Variants in MEAF6 observed in about 807,000 individuals in gnomAD.
MEAF6 encodes chromatin modification-related protein MEAF6.
MEAF6 carries 15 observed loss-of-function variants against 28.9 expected under a neutral mutation model. That is an observed-to-expected ratio of 0.52 (90% confidence interval 0.35 to 0.80). MEAF6 has a LOEUF of 0.80. MEAF6 is among the 30% of genes least tolerant of loss of function. MEAF6 has a pLI of 0.01. For missense variants in MEAF6, 178 were observed against 237.5 expected (o/e 0.75, Z 1.65); for synonymous variants, 97 against 88.7 (o/e 1.09, Z -0.53).
At chr1:37,513,789 T>C (rs1642743183) in intron 1 of MEAF6, 2 of 568,524 alleles carry the variant, frequency 3.5e-6, no homozygotes, top group Non-Finnish European at 6.3e-6. Context: ...AAATTTTGCA[T>C]ATACTTTAGA....
rs143705946 is a variant in MEAF6, at chr1:37,498,967, T to C, written c.533+2837A>G. 7.2e-5 allele frequency among the ~76,000 whole-genome samples: 11 copies of C among 151,996 alleles called. No homozygotes were observed. The South Asian group carries it at 1.0e-3, about 14-fold the overall frequency. On this transcript the variant is annotated intron_variant, in intron 5 of 6. Coordinates refer to ENST00000296214, the MANE Select transcript of MEAF6 (RefSeq NM_001270875.3). ...GAGTTCAAGACCAGCCTGTGCAGCA[T>C]GGCAAAACCCCATCTCTACAAAACA... is the stretch of plus-strand genomic sequence containing the variant.
intron 6 of MEAF6, among the ~76,000 whole-genome samples, chr1:37,494,487 C>A (rs1322646062): frequency 7.2e-6 from 1 of 139,500 alleles, no homozygotes; most frequent in African/African-American, 2.7e-5. Context: ...TGCACTCCAG[C>A]CTGGGTGACA....
At chr1:37,505,287 A>G (rs1306806209) in intron 4 of MEAF6, among the ~76,000 whole-genome samples, 2 of 152,208 alleles carry the variant, frequency 1.3e-5, no homozygotes, top group Non-Finnish European at 2.9e-5. Flanking sequence ...ACAGTTCCAA[A>G]AAAGCAGAAG....
chr1:37,509,732 T>G (rs1642603648), intron 2 of MEAF6, among the ~76,000 whole-genome samples, 190 bp from the exon 3 acceptor site: 1 of 152,200 alleles, frequency 6.6e-6, no homozygotes, highest in African/African-American at 2.4e-5. Flanking sequence ...GACATGAGAT[T>G]TAGTTGCTTC....
At chr1:37,505,055 T>C (rs1490013855) in intron 4 of MEAF6, among the ~76,000 whole-genome samples, 2 of 152,038 alleles carry the variant, frequency 1.3e-5, no homozygotes, top group South Asian at 4.1e-4. Flanking sequence ...GGCTCATTTT[T>C]GTATTTTTAG....
rs1042361542 is a variant in MEAF6, at chr1:37,491,018, C to G, written c.*3081G>C. Among the ~76,000 whole-genome samples the G allele has an allele frequency of 1.3e-5, 2 of 151,952 alleles. No homozygotes were observed. The highest frequency in any genetic ancestry group is 2.9e-5 in the Non-Finnish European group (2 of 67,960). On this transcript the variant is annotated 3_prime_UTR_variant, in exon 7 of 7. Coordinates refer to ENST00000296214, the MANE Select transcript of MEAF6 (RefSeq NM_001270875.3). ...CTCCAGCCTGGACGACAGAGCAAGACTCTGTCTCAAAAAAATAAATAAATA... is the reference window on the plus strand; with the variant it reads ...CTCCAGCCTGGACGACAGAGCAAGAGTCTGTCTCAAAAAAATAAATAAATA...
At chr1:37,502,739 T>C (rs1050032628) in intron 4 of MEAF6, among the ~76,000 whole-genome samples, 1 of 149,610 alleles carries the variant, frequency 6.7e-6, no homozygotes, top group African/African-American at 2.5e-5. Flanking sequence ...CACCTCAGCC[T>C]CCCAAGTAGC....
rs1278639366 is a variant in MEAF6 at position 37,492,212 on chromosome 1, T to C, written c.*1887A>G. On this transcript the variant is annotated 3_prime_UTR_variant, in exon 7 of 7. Transcript: ENST00000296214. ...CTCAGCTAATTTTTTGCATTTTTAG[T>C]AGAGATGGGGTTTCACTGTGTTCGC... Among the ~76,000 whole-genome samples the C allele has an allele frequency of 1.3e-5, 2 of 151,998 alleles. No individual in the cohort carries two copies. The highest frequency in any genetic ancestry group is 2.9e-5 in the Non-Finnish European group (2 of 68,002).
At chr1:37,494,274 G>A (rs987415505) in intron 6 of MEAF6, among the ~76,000 whole-genome samples, 167 bp from the exon 7 acceptor site, 1 of 152,112 alleles carries the variant, frequency 6.6e-6, no homozygotes, top group Non-Finnish European at 1.5e-5. Context: ...CCAGCACTTT[G>A]GGAAGCCGAG....
Position 37,509,544 on chromosome 1 carries a change from T to C in MEAF6, c.207-2A>G. ...CGATCATTTTTGCTATTGGAGTTTC[T>C]AAAACACAGAAGAAACTCATTATGA... On this transcript the variant is annotated splice_acceptor_variant, in intron 2 of 6. Transcript: ENST00000296214. LOFTEE classifies it high-confidence loss of function. 6.2e-7 allele frequency: 1 copy of C among 1,613,330 alleles called. No homozygotes were observed. The highest frequency in any genetic ancestry group is 8.5e-7 in the Non-Finnish European group (1 of 1,179,644).
At chr1:37,510,676 C>T (rs906833546) in intron 2 of MEAF6, among the ~76,000 whole-genome samples, 4 of 152,122 alleles carry the variant, frequency 2.6e-5, no homozygotes, top group Non-Finnish European at 5.9e-5. Context: ...GCCACTGTGC[C>T]TGGCCACACT....
intron 5 of MEAF6, among the ~76,000 whole-genome samples, chr1:37,497,139 A>G (rs1333164292): frequency 6.6e-6 from 1 of 152,240 alleles, no homozygotes; most frequent in African/African-American, 2.4e-5. Flanking sequence ...AACTCAGCAT[A>G]ATATACTTTC....
At chr1:37,508,453 AT>A (rs1321840247) in intron 4 of MEAF6, among the ~76,000 whole-genome samples, 1 of 151,376 alleles carries the variant, frequency 6.6e-6, no homozygotes, top group Non-Finnish European at 1.5e-5. Context: ...TAATTTTTTA[AT>A]TTTTTGTAGA....
chr1:37,502,563 TTTTG>T (rs1375861790), intron 4 of MEAF6, among the ~76,000 whole-genome samples: 19 of 125,272 alleles, frequency 1.5e-4, no homozygotes, highest in Admixed American at 1.4e-3. Flanking sequence ...CTTGTTTTTT[TTTTG>T]TTTGTTTGTT....
At chr1:37,498,134 G>A (rs1642179956) in intron 5 of MEAF6, among the ~76,000 whole-genome samples, 2 of 152,126 alleles carry the variant, frequency 1.3e-5, no homozygotes, top group South Asian at 4.1e-4. Flanking sequence ...AAAACAATAT[G>A]CAAATGGCTA....
In MEAF6 at chr1:37,497,575, C is replaced by T. The variant is rs534114749; in HGVS notation, c.534-1657G>A. On this transcript the variant is annotated intron_variant, in intron 5 of 6. Coordinates refer to ENST00000296214, the MANE Select transcript of MEAF6 (RefSeq NM_001270875.3). Reference sequence around the variant, plus strand: ...AAGAAACACAAAAGTCTGCAGCACCCGTATTTATTTATTTATTTATTTATT... The same window carrying T: ...AAGAAACACAAAAGTCTGCAGCACCTGTATTTATTTATTTATTTATTTATT... Among the ~76,000 whole-genome samples, 323 of 141,348 alleles carry T rather than the reference C, an allele frequency of 2.3e-3. 1 individual carries two copies. The highest frequency in any genetic ancestry group is 7.6e-3 in the African/African-American group (301 of 39,660). The allele number at this position is 141,348 out of a possible 152,430, so 92.7% of individuals were successfully genotyped here.
intron 4 of MEAF6, among the ~76,000 whole-genome samples, 180 bp downstream of exon 4, chr1:37,509,098 C>G (rs764146282): frequency 2.0e-5 from 3 of 151,864 alleles, no homozygotes; most frequent in Non-Finnish European, 4.4e-5. Context: ...TTGTCTGGGT[C>G]GGGGAGTGGA....
At chr1:37,498,323 A>C (rs1296521608) in intron 5 of MEAF6, among the ~76,000 whole-genome samples, 1 of 152,068 alleles carries the variant, frequency 6.6e-6, no homozygotes, top group Non-Finnish European at 1.5e-5. Context: ...ATCAAAATAG[A>C]CTGTATCTAG....
At chr1:37,502,106 ATTGACAGAGAAGATACATG>A (rs57320145) in intron 4 of MEAF6, 110 bp from the exon 5 acceptor site, 360,593 of 516,270 alleles carry the variant, frequency 0.7, 147,506 homozygotes, top group East Asian at 0.84. Flanking sequence ...CTATCCTCTA[ATTGACAGAGAAGATACATG>A]TTGACAGAGA....
Sources: allele counts gnomAD v4.1 joint callset (sites outside exome capture counted in the v4.1 genomes callset), GRCh38; gene constraint gnomAD v4.1.1; transcripts MANE v1.5; gene names NCBI Gene and HGNC (gene_info 2026-07-23, HGNC 2026-07-21).